Variants in IL6R observed in about 807,000 individuals in gnomAD.
IL6R encodes interleukin 6 receptor.
IL6R carries 38 observed loss-of-function variants against 48.3 expected under a neutral mutation model. The observed-to-expected ratio is 0.79, with a 90% CI of 0.61 to 1.03. The LOEUF is 1.03. IL6R is among the 50% of genes least tolerant of loss of function. IL6R has a pLI of 0.00. For synonymous variants in IL6R, 264 were observed against 256.2 expected (o/e 1.03, Z -0.29); for missense variants, 534 against 618.3 (o/e 0.86, Z 1.45).
chr1:154,449,527 C>CA (rs1274929274), intron 7 of IL6R, among the ~76,000 whole-genome samples: 51 of 150,928 alleles, frequency 3.4e-4, no homozygotes, highest in Non-Finnish European at 4.7e-4. Flanking sequence ...AAAAAACAAA[C>CA]AAAAAAAAAG....
chr1:154,411,642 T>C (rs2149205969), intron 1 of IL6R, among the ~76,000 whole-genome samples: 1 of 152,252 alleles, frequency 6.6e-6, no homozygotes, highest in Non-Finnish European at 1.5e-5. Context: ...TCCAGGCCTG[T>C]CTCCCCATTA....
chr1:154,459,561 C>T (rs1350409407), intron 9 of IL6R, among the ~76,000 whole-genome samples: 1 of 152,218 alleles, frequency 6.6e-6, no homozygotes, highest in Non-Finnish European at 1.5e-5. Flanking sequence ...CTTCATCCTG[C>T]CAGTGTATAC....
At chr1:154,450,143 T>TGTGTGTGTGTGTGTGTGTG (rs57636717) in intron 8 of IL6R, among the ~76,000 whole-genome samples, 163 bp downstream of exon 8, 8 of 148,678 alleles carry the variant, frequency 5.4e-5, no homozygotes, top group Admixed American at 1.3e-4. Context: ...TGTGTGTGTG[T>TGTGTGTGTGTGTGTGTGTG]TGGAGAGAGT....
At chr1:154,446,812 A>G (rs753882901) in intron 6 of IL6R, among the ~76,000 whole-genome samples, 3 of 152,178 alleles carry the variant, frequency 2.0e-5, no homozygotes, top group Non-Finnish European at 4.4e-5. Flanking sequence ...GGTGATGTGT[A>G]TCTTTCCATT....
chr1:154,451,957 G>A (rs1489750236), intron 8 of IL6R, among the ~76,000 whole-genome samples: 2 of 152,064 alleles, frequency 1.3e-5, no homozygotes, highest in African/African-American at 2.4e-5. Flanking sequence ...GCTCAGGTGC[G>A]GGGGATCGGG....
At chr1:154,410,623 G>A (rs1004842481) in intron 1 of IL6R, among the ~76,000 whole-genome samples, 4 of 152,154 alleles carry the variant, frequency 2.6e-5, no homozygotes, top group Admixed American at 1.3e-4. Context: ...GAGGTCAAAA[G>A]TCCCTGGCAA....
chr1:154,437,960 C>T (rs1050378695), intron 6 of IL6R, among the ~76,000 whole-genome samples: 2 of 151,336 alleles, frequency 1.3e-5, no homozygotes, highest in African/African-American at 2.4e-5. Context: ...GTGATCCACC[C>T]GCCTCGCCCT....
At chr1:154,414,975 A>G (rs1412798624) in intron 1 of IL6R, 2 of 1,450,650 alleles carry the variant, frequency 1.4e-6, no homozygotes, top group Non-Finnish European at 1.9e-6. Context: ...GATCTTCAGT[A>G]TGTCACGGGC....
chr1:154,432,122 C>G (rs114766856), intron 3 of IL6R, among the ~76,000 whole-genome samples: 2,415 of 152,242 alleles, frequency 0.016, 71 homozygotes, highest in African/African-American at 0.056. Flanking sequence ...TGTTTTTGTT[C>G]TGTCCTCTAT....
Position 154,430,586 on chromosome 1 carries a change from T to G in IL6R, c.438T>G (p.Ala146=). 1 of 1,614,234 alleles carries G rather than the reference T, an allele frequency of 6.2e-7. No individual in the cohort carries two copies. Among genetic ancestry groups the G allele is most frequent in the Non-Finnish European group, 8.5e-7 (1 of 1,180,028 alleles). Residue 146 remains alanine, a synonymous_variant, in exon 3 of 10, where the codon GCT becomes GCG. Transcript: ENST00000368485. The stretch of plus-strand genomic sequence containing the variant: ...GCACCCCATCCCTGACGACAAAGGC[T>G]GTGCTCTTGGTGAGGAAGTTGTAAG... ...PRSTPSLTTK[A]VLLVRKFQNS... is the part of the protein sequence containing the mutation.
chr1:154,445,793 T>C (rs906901876), intron 6 of IL6R, among the ~76,000 whole-genome samples: 6 of 150,980 alleles, frequency 4.0e-5, no homozygotes, highest in Admixed American at 2.6e-4. Context: ...TTTCCATGGT[T>C]CTGAGGCAAC....
chr1:154,409,945 G>A (rs989682221), intron 1 of IL6R, among the ~76,000 whole-genome samples: 1 of 152,122 alleles, frequency 6.6e-6, no homozygotes, highest in Non-Finnish European at 1.5e-5. Flanking sequence ...ATATTTGAGT[G>A]AAGACCTGAA....
At chr1:154,433,731 T>C (rs1046388636) in intron 3 of IL6R, among the ~76,000 whole-genome samples, 1 of 105,498 alleles carries the variant, frequency 9.5e-6, no homozygotes, top group African/African-American at 4.0e-5. Flanking sequence ...CATTTATTGC[T>C]CAATTTTTTT....
In IL6R at chr1:154,465,339, C is replaced by T. The variant is rs1218689744; in HGVS notation, c.1366C>T (p.Pro456Ser). Residue 456 changes from proline (P) to serine (S), a missense_variant, in exon 10 of 10, where the codon CCT becomes TCT. Pro to Ser is a moderately conservative substitution (Grantham distance 74). Coordinates refer to ENST00000368485, the MANE Select transcript of IL6R (RefSeq NM_000565.4). The part of the protein sequence containing the change: ...NRPDARDPRS[P>S]YDISNTDYFF... ...ACCAGATGCCAGGGACCCACGGAGC[C>T]CTTATGACATCAGCAATACAGACTA... 8.7e-6 allele frequency: 14 copies of T among 1,614,178 alleles called. No individual in the cohort carries two copies. The highest frequency in any genetic ancestry group is 3.3e-4 in the Middle Eastern group (2 of 6,062).
At position 154,434,503 on chromosome 1, in the gene IL6R, G is replaced by T; in HGVS notation, c.459-16G>T. The T allele has an allele frequency of 6.2e-7, 1 of 1,608,104 alleles. No individual in the cohort carries two copies. On this transcript the variant is annotated splice_polypyrimidine_tract_variant and intron_variant, in intron 3 of 9. Transcript: ENST00000368485. Reference sequence around the variant, plus strand: ...AAACTGACAGGCAAGCCCTGCCCTTGTTTTGTGTCTAACAGTCAGAACAGT... The same window carrying T: ...AAACTGACAGGCAAGCCCTGCCCTTTTTTTGTGTCTAACAGTCAGAACAGT...
At chr1:154,408,882 C>T (rs752112490) in intron 1 of IL6R, among the ~76,000 whole-genome samples, 3 of 152,096 alleles carry the variant, frequency 2.0e-5, no homozygotes, top group African/African-American at 4.8e-5. Flanking sequence ...CAGTGACTCA[C>T]GCCTGTAATC....
At chr1:154,429,475 G>A (rs377635182) in intron 2 of IL6R, 31 bp downstream of exon 2, 57 of 1,588,036 alleles carry the variant, frequency 3.6e-5, no homozygotes, top group Non-Finnish European at 4.8e-5. Context: ...CCCGGAGATA[G>A]TTCCCGTAAG....
intron 6 of IL6R, among the ~76,000 whole-genome samples, chr1:154,447,807 C>T (rs555317548): frequency 1.1e-4 from 16 of 151,844 alleles, no homozygotes; most frequent in South Asian, 2.1e-4. Context: ...CTCCGCCTCC[C>T]GGGTTCAAAC....
At chr1:154,448,893 T>C (rs1431951548) in intron 7 of IL6R, among the ~76,000 whole-genome samples, 7 of 137,760 alleles carry the variant, frequency 5.1e-5, no homozygotes, top group African/African-American at 1.1e-4. Flanking sequence ...TTTTTTTTTT[T>C]TTTTTTTTTT....
Sources: gnomAD v4.1 joint callset for allele counts (sites outside exome capture counted in the v4.1 genomes callset) on GRCh38, gnomAD v4.1.1 for gene constraint, MANE v1.5 for transcripts, NCBI Gene and HGNC (gene_info 2026-07-23, HGNC 2026-07-21) for gene names.